Variants in SAMD5 observed in about 807,000 individuals in gnomAD.
SAMD5 encodes the protein sterile alpha motif domain containing 5.
Under a neutral mutation model 11.3 loss-of-function variants are expected in SAMD5, and 13 were observed. The ratio of observed to expected loss-of-function variants is 1.15; its 90% CI spans 0.75 to 1.83. The LOEUF is 1.83. SAMD5 is among the 40% of genes most tolerant of loss of function. The pLI is 0.00. For synonymous variants in SAMD5, 129 were observed against 111.3 expected (o/e 1.16, Z -1.00); for missense variants, 255 against 239.1 (o/e 1.07, Z -0.44).
chr6:147,796,127 A>G, the SAMD5 span, among the ~76,000 whole-genome samples: 1 of 150,138 alleles, frequency 6.7e-6, no homozygotes, highest in South Asian at 2.1e-4. Flanking sequence ...TGTTTTAGAC[A>G]TGAAGTCCTT....
At chr6:147,546,879 T>C (rs1012770177) in intron 1 of SAMD5, among the ~76,000 whole-genome samples, 4 of 152,222 alleles carry the variant, frequency 2.6e-5, no homozygotes, top group African/African-American at 9.6e-5. Flanking sequence ...GCTGGTTGTA[T>C]CTAGATTCCT....
At chr6:147,750,064 G>A in the SAMD5 span, among the ~76,000 whole-genome samples, 4 of 152,086 alleles carry the variant, frequency 2.6e-5, no homozygotes, top group African/African-American at 7.2e-5. Context: ...ATATATCAAG[G>A]TTATTGGCAC....
exon 2 of SAMD5, chr6:147,737,335 C>G (rs529509128): frequency 1.6e-6 from 2 of 1,255,678 alleles, no homozygotes; most frequent in African/African-American, 3.1e-5. Context: ...ATGCCGCTAC[C>G]TTCAAGAAGT....
the SAMD5 span, among the ~76,000 whole-genome samples, chr6:147,758,645 G>GA: frequency 2.0e-5 from 3 of 152,212 alleles, no homozygotes; most frequent in Non-Finnish European, 4.4e-5. Context: ...GCAAGTGGAA[G>GA]AAGGAGAGCC....
intron 1 of SAMD5, among the ~76,000 whole-genome samples, chr6:147,513,399 G>T (rs1383433455): frequency 6.6e-6 from 1 of 152,164 alleles, no homozygotes; most frequent in Non-Finnish European, 1.5e-5. Context: ...GGAGGGGAGA[G>T]AGGTTGGAAT....
At chr6:147,867,969 A>G in the SAMD5 span, among the ~76,000 whole-genome samples, 6 of 152,324 alleles carry the variant, frequency 3.9e-5, no homozygotes, top group Admixed American at 3.3e-4. Flanking sequence ...CTCCACTATT[A>G]CCAATGTGTT....
At chr6:147,882,723 G>T in the SAMD5 span, among the ~76,000 whole-genome samples, 11 of 152,104 alleles carry the variant, frequency 7.2e-5, no homozygotes, top group African/African-American at 1.4e-4. Context: ...GCCGGTGTGA[G>T]GACCAATAAA....
At chr6:147,913,906 C>T in the SAMD5 span, among the ~76,000 whole-genome samples, 5 of 152,194 alleles carry the variant, frequency 3.3e-5, no homozygotes, top group Admixed American at 2.0e-4. Flanking sequence ...AATTCACTCA[C>T]CACTGAAAGA....
the SAMD5 span, among the ~76,000 whole-genome samples, chr6:147,907,207 G>A: frequency 3.3e-5 from 5 of 152,096 alleles, no homozygotes; most frequent in East Asian, 3.9e-4. Context: ...TTAAGATCCC[G>A]GGTCTGGCAG....
chr6:147,622,667 G>A (rs1039654327), intron 1 of SAMD5, among the ~76,000 whole-genome samples: 12 of 152,344 alleles, frequency 7.9e-5, no homozygotes, highest in African/African-American at 2.4e-4. Context: ...CTCAGGCCAT[G>A]CGACAGGAAG....
At chr6:147,772,944 C>T in the SAMD5 span, among the ~76,000 whole-genome samples, 4 of 152,082 alleles carry the variant, frequency 2.6e-5, no homozygotes, top group East Asian at 3.9e-4. Context: ...ACTGAGTGCC[C>T]GCTATGCTGT....
At chr6:147,541,551 T>C (rs1286081313) in intron 1 of SAMD5, among the ~76,000 whole-genome samples, 5 of 152,052 alleles carry the variant, frequency 3.3e-5, no homozygotes, top group African/African-American at 7.2e-5. Flanking sequence ...AAAGAGCAGA[T>C]AGTTACCCAG....
chr6:147,716,098 G>C (rs987095595), intron 1 of SAMD5, among the ~76,000 whole-genome samples: 2 of 152,172 alleles, frequency 1.3e-5, no homozygotes, highest in East Asian at 3.9e-4. Context: ...CCAGGAGCCT[G>C]TCTGCCTCCT....
chr6:147,877,902 G>T, the SAMD5 span, among the ~76,000 whole-genome samples: 1 of 32,668 alleles, frequency 3.1e-5, no homozygotes, highest in Admixed American at 3.1e-4. Flanking sequence ...TAGCTAGATA[G>T]ATAGATAGCT....
chr6:147,947,281 G>A, the SAMD5 span, among the ~76,000 whole-genome samples: 5 of 152,070 alleles, frequency 3.3e-5, no homozygotes, highest in East Asian at 1.9e-4. Context: ...CTGTCTTGTC[G>A]AAGACTTGCT....
intron 1 of SAMD5, among the ~76,000 whole-genome samples, chr6:147,631,523 C>T (rs1273061945): frequency 1.3e-5 from 2 of 152,068 alleles, no homozygotes; most frequent in Admixed American, 1.3e-4. Context: ...TACCAAGAGC[C>T]TGAGAAACTG....
intron 1 of SAMD5, among the ~76,000 whole-genome samples, chr6:147,622,669 G>A (rs936879426): frequency 2.6e-5 from 4 of 152,162 alleles, no homozygotes; most frequent in Non-Finnish European, 4.4e-5. Flanking sequence ...CAGGCCATGC[G>A]ACAGGAAGAT....
At chr6:147,793,409 G>C in the SAMD5 span, among the ~76,000 whole-genome samples, 2 of 152,080 alleles carry the variant, frequency 1.3e-5, no homozygotes, top group African/African-American at 4.8e-5. Flanking sequence ...TGATGACTAA[G>C]TATTATGTTG....
intron 1 of SAMD5, among the ~76,000 whole-genome samples, chr6:147,531,091 A>G (rs946146828): frequency 9.2e-5 from 14 of 152,156 alleles, no homozygotes; most frequent in African/African-American, 2.9e-4. Context: ...GAAAACCAGG[A>G]TATATTTTTC....
Sources: gnomAD v4.1 joint callset for allele counts (sites outside exome capture counted in the v4.1 genomes callset) on GRCh38, gnomAD v4.1.1 for gene constraint, MANE v1.5 for transcripts, NCBI Gene and HGNC (gene_info 2026-07-23, HGNC 2026-07-21) for gene names.